The following ACSL3 variants were observed in gnomAD, a reference collection of about 807,000 sequenced individuals.
The protein encoded by ACSL3 is acyl-CoA synthetase long chain family member 3, also known as fatty acid CoA ligase Acsl3.
A neutral mutation model predicts 84.7 loss-of-function variants in ACSL3; 34 were observed. The observed-to-expected ratio is 0.40, with a 90% CI of 0.31 to 0.53. The LOEUF (loss-of-function observed/expected upper bound fraction) is 0.53. Among genes scored for constraint, ACSL3 ranks in the 20% least tolerant of loss-of-function variants. The pLI is 0.48. For missense variants in ACSL3, 680 were observed against 873.1 expected, an observed-to-expected ratio of 0.78 and a Z score of 2.79; for synonymous variants, 315 against 299.4, an observed-to-expected ratio of 1.05 and a Z score of -0.54.
At chr2:222,862,305 A>G (rs1695035232) in intron 1 of ACSL3, among the ~76,000 whole-genome samples, 1 of 152,152 alleles carries the variant, frequency 6.6e-6, no homozygotes, top group African/African-American at 2.4e-5. Flanking sequence ...GATCTCAGCT[A>G]GTAAGAAGCT....
chr2:222,933,049 G>C (rs1359368429), intron 14 of ACSL3, 117 bp from the exon 15 acceptor site: 4 of 615,644 alleles, frequency 6.5e-6, no homozygotes, highest in Non-Finnish European at 8.2e-6. Context: ...ATTTTGCAAA[G>C]TTTTAAATAA....
Position 222,933,193 on chromosome 2 carries a change from A to G in ACSL3, c.1760A>G (p.Gln587Arg), listed in dbSNP as rs752476534. The change falls in exon 15 of 17, where the codon CAG becomes CGG. Residue 587 changes from glutamine to arginine, a missense_variant. By Grantham distance (43) the Gln-to-Arg change is conservative (BLOSUM62 1). Coordinates refer to ENST00000357430, the MANE Select transcript of ACSL3 (RefSeq NM_004457.5). ...IDRKKDLVKL[Q>R]AGEYVSLGKV... The stretch of plus-strand genomic sequence containing the variant: ...CGTAAAAAGGACCTTGTAAAACTAC[A>G]GGCAGGGGAATATGTTTCTCTTGGG... The G allele has an allele frequency of 6.2e-7, 1 of 1,613,610 alleles. No individual in the cohort carries two copies. The highest frequency in any genetic ancestry group is 1.7e-5 in the Admixed American group (1 of 59,954).
chr2:222,907,147 C>T (rs989722185), intron 3 of ACSL3, among the ~76,000 whole-genome samples: 4 of 152,162 alleles, frequency 2.6e-5, no homozygotes, highest in Admixed American at 6.5e-5. Flanking sequence ...ACCCATCAGT[C>T]TTCTCTGTTT....
At chr2:222,882,088 C>T (rs1695603200) in intron 1 of ACSL3, among the ~76,000 whole-genome samples, 1 of 152,120 alleles carries the variant, frequency 6.6e-6, no homozygotes, top group South Asian at 2.1e-4. Context: ...CTCTTGTAAA[C>T]TAGGTAACAA....
chr2:222,927,493 C>T (rs771797435), intron 12 of ACSL3, among the ~76,000 whole-genome samples: 36 of 152,182 alleles, frequency 2.4e-4, no homozygotes, highest in Non-Finnish European at 4.4e-5. Flanking sequence ...TATTTTCTCA[C>T]ATCAGTGATT....
Position 222,909,150 on chromosome 2 carries a change from G to A in ACSL3, c.378G>A (p.Lys126=), listed in dbSNP as rs767974814. The change falls in exon 4 of 17, where the codon AAG becomes AAA. Residue 126 remains lysine, a splice_region_variant and synonymous_variant. Coordinates refer to ENST00000357430, the MANE Select transcript of ACSL3 (RefSeq NM_004457.5). ...EVQPNGKIFK[K]VILGQYNWLS... ...AACCAAATGGAAAAATTTTTAAAAA[G>A]GTAAGATGATCTTTCATTGCCTTTG... 8 of 1,593,274 alleles carry A rather than the reference G, an allele frequency of 5.0e-6. No individual in the cohort carries two copies. The highest frequency in any genetic ancestry group is 6.8e-6 in the Non-Finnish European group (8 of 1,174,946).
At chr2:222,899,316 A>G (rs1459164773) in intron 2 of ACSL3, among the ~76,000 whole-genome samples, 3 of 151,458 alleles carry the variant, frequency 2.0e-5, no homozygotes, top group Non-Finnish European at 1.5e-5. Flanking sequence ...TCTACTAAAA[A>G]ATACAAAAAT....
intron 2 of ACSL3, among the ~76,000 whole-genome samples, chr2:222,892,420 C>T (rs990074653): frequency 6.6e-6 from 1 of 152,146 alleles, no homozygotes; most frequent in Non-Finnish European, 1.5e-5. Context: ...GGGTGCCCCT[C>T]TAAAAAAGAA....
chr2:222,885,759 T>C (rs957962313), intron 1 of ACSL3, among the ~76,000 whole-genome samples: 1 of 152,146 alleles, frequency 6.6e-6, no homozygotes, highest in Admixed American at 6.5e-5. Context: ...CCTTTTTTTT[T>C]TGAGACAGAG....
chr2:222,866,830 T>C (rs2106080206), intron 1 of ACSL3, among the ~76,000 whole-genome samples: 1 of 124,598 alleles, frequency 8.0e-6, no homozygotes, highest in Non-Finnish European at 1.7e-5. Context: ...ATTTTCTTTT[T>C]TTTCTTTTTC....
intron 5 of ACSL3, chr2:222,917,326 T>C (rs1471037710): frequency 2.0e-5 from 3 of 152,268 alleles, no homozygotes; most frequent in Admixed American, 2.0e-4. Flanking sequence ...CCTGACCTTG[T>C]GATCCGCCCA....
chr2:222,924,623 T>C, intron 11 of ACSL3, 28 bp downstream of exon 11: 1 of 1,560,524 alleles, frequency 6.4e-7, no homozygotes, highest in Non-Finnish European at 8.7e-7. Flanking sequence ...ACCTCCTTCT[T>C]TCTCCTCTTG....
At chr2:222,878,365 A>G (rs1695506622) in intron 1 of ACSL3, among the ~76,000 whole-genome samples, 1 of 152,162 alleles carries the variant, frequency 6.6e-6, no homozygotes, top group Non-Finnish European at 1.5e-5. Flanking sequence ...TGTGATTGTG[A>G]AGGCAGGAAA....
In ACSL3 at chr2:222,921,374, A is replaced by C; in HGVS notation, c.900A>C (p.Ser300=). 6.2e-6 allele frequency: 10 copies of C among 1,602,662 alleles called. No individual in the cohort carries two copies. Among genetic ancestry groups the C allele is most frequent in the Non-Finnish European group, 8.5e-6 (10 of 1,170,486 alleles). ...STGLPKGVMI[S]HSNIIAGITG... is the part of the protein sequence containing the mutation. The stretch of plus-strand genomic sequence containing the variant: ...GACTTCCAAAGGGAGTCATGATCTC[A>C]CATAGTAACATTATTGCTGGTATAA... Residue 300 remains serine, a synonymous_variant, in exon 8 of 17, where the codon TCA becomes TCC. Transcript: ENST00000357430.
At chr2:222,887,733 T>G (rs1695756828) in intron 1 of ACSL3, 97 bp from the exon 2 acceptor site, 1 of 152,166 alleles carries the variant, frequency 6.6e-6, no homozygotes, top group East Asian at 1.9e-4. Context: ...CATGTGAGGT[T>G]TAGAAGTAAA....
Position 222,925,590 on chromosome 2 carries a change from T to G in ACSL3, c.1292+995T>G, listed in dbSNP as rs200814240. Among the ~76,000 whole-genome samples, 14 of 152,206 alleles carry G rather than the reference T, an allele frequency of 9.2e-5. No individual in the cohort carries two copies. In the East Asian group the frequency reaches 2.1e-3, roughly 23 times the overall value. ...ACACCACCCTGGGTGAAAGTGAGAC[T>G]CTGTCTCTTTAAAAGACAAGCAAAC... On this transcript the variant is annotated intron_variant, in intron 11 of 16. Transcript: ENST00000357430.
Position 222,930,422 on chromosome 2 carries a change from CAT to C in ACSL3, c.1541-197_1541-196del, listed in dbSNP as rs571962501. Among the ~76,000 whole-genome samples the C allele has an allele frequency of 9.9e-5, 15 of 152,212 alleles. No individual in the cohort carries two copies. The South Asian group carries it at 2.3e-3, about 23-fold the overall frequency. ...TTTTCTCAGAATAGAAGTTTGAAAA[CAT>C]AAATACTTATGGTTTAGCAACTGAG... is the stretch of plus-strand genomic sequence containing the variant. On this transcript the variant is annotated intron_variant, in intron 13 of 16. Coordinates refer to ENST00000357430, the MANE Select transcript of ACSL3 (RefSeq NM_004457.5).
At chr2:222,894,216 A>T (rs1172877690) in intron 2 of ACSL3, among the ~76,000 whole-genome samples, 1 of 152,224 alleles carries the variant, frequency 6.6e-6, no homozygotes, top group African/African-American at 2.4e-5. Context: ...GTTTCATAAC[A>T]CAAGATCTGA....
chr2:222,930,871 C>A, intron 14 of ACSL3, 59 bp downstream of exon 14: 1 of 1,457,736 alleles, frequency 6.9e-7, no homozygotes, highest in Non-Finnish European at 9.3e-7. Context: ...ACACAAGAAG[C>A]ACAATATATT....
Sources: gnomAD v4.1 joint callset for allele counts (sites outside exome capture counted in the v4.1 genomes callset) on GRCh38, gnomAD v4.1.1 for gene constraint, MANE v1.5 for transcripts, NCBI Gene and HGNC (gene_info 2026-07-23, HGNC 2026-07-21) for gene names.